The following OSMR variants were observed in gnomAD, a reference collection of about 807,000 sequenced individuals.
OSMR encodes oncostatin M receptor.
A neutral mutation model predicts 99.9 loss-of-function variants in OSMR; 81 were observed. That is an observed-to-expected ratio of 0.81 (90% CI 0.68 to 0.97). OSMR has a LOEUF of 0.97. OSMR is among the 50% of genes least tolerant of loss of function. The pLI, the probability that OSMR is intolerant of heterozygous loss-of-function variation, is 0.00. For missense variants in OSMR, 1,099 were observed against 1,153.4 expected, an observed-to-expected ratio of 0.95 and a Z score of 0.68; for synonymous variants, 406 against 410.4, an observed-to-expected ratio of 0.99 and a Z score of 0.13.
Position 38,933,650 on chromosome 5 carries a change from C to T in OSMR, c.*206C>T. On this transcript the variant is annotated 3_prime_UTR_variant, in exon 18 of 18. Coordinates refer to ENST00000274276, the MANE Select transcript of OSMR (RefSeq NM_003999.3). ...TGGAGCAAGCTTGCCCTAGAGACGG[C>T]AGGATCATGGGAGCATGCTTACCTT... The T allele has an allele frequency of 1.7e-6, 1 of 592,470 alleles. No individual in the cohort carries two copies. The highest frequency in any genetic ancestry group is 3.0e-6 in the Non-Finnish European group (1 of 332,506). 36.7% of individuals were successfully genotyped at this position (592,470 alleles called of 1,614,324 possible).
intron 9 of OSMR, among the ~76,000 whole-genome samples, chr5:38,912,545 T>G (rs1200912120): frequency 6.6e-6 from 1 of 152,162 alleles, no homozygotes; most frequent in Non-Finnish European, 1.5e-5. Flanking sequence ...ACTATCAATG[T>G]TATTTTTCAC....
chr5:38,945,526 G>C, downstream of OSMR: 4 of 1,613,786 alleles, frequency 2.5e-6, no homozygotes, highest in Non-Finnish European at 3.4e-6. Context: ...TTGGTTGCTG[G>C]GCTGGAAACC....
At position 38,919,092 on chromosome 5, in the gene OSMR, T is replaced by G. The variant is rs2278327; in HGVS notation, c.1585+30T>G. ...GTTTGTTTTCATTTTCTTTTGTTTT[T>G]ATTCTCTAGGAAAATGTTGATGACG... On this transcript the variant is annotated intron_variant, in intron 11 of 17. Coordinates refer to ENST00000274276, the MANE Select transcript of OSMR (RefSeq NM_003999.3). 11,216 of 1,611,480 alleles carry G rather than the reference T, an allele frequency of 7.0e-3. 1,104 individuals are homozygous for G. The East Asian group carries it at 0.21, about 31-fold the overall frequency.
At chr5:38,893,860 T>G (rs1415227551) in intron 7 of OSMR, among the ~76,000 whole-genome samples, 1 of 152,048 alleles carries the variant, frequency 6.6e-6, no homozygotes, top group Non-Finnish European at 1.5e-5. Flanking sequence ...CGAACATCAC[T>G]AGGGCATATA....
intron 16 of OSMR, 130 bp downstream of exon 16, chr5:38,932,094 G>A (rs1275342634): frequency 2.6e-6 from 2 of 762,352 alleles, no homozygotes; most frequent in Admixed American, 2.4e-5. Flanking sequence ...AAAGGAGGCT[G>A]GGGTGAGAGT....
At chr5:38,869,964 A>G (rs1184680981) in intron 2 of OSMR, among the ~76,000 whole-genome samples, 1 of 152,216 alleles carries the variant, frequency 6.6e-6, no homozygotes, top group Non-Finnish European at 1.5e-5. Context: ...CAGATTCATG[A>G]AAATGATCTT....
chr5:38,940,405 T>C (rs1747430728), downstream of OSMR: 1 of 232,526 alleles, frequency 4.3e-6, no homozygotes, highest in Non-Finnish European at 8.5e-6. Flanking sequence ...TTTGGAGGTT[T>C]TAACCACTAT....
At chr5:38,878,173 A>G (rs779288670) in intron 3 of OSMR, among the ~76,000 whole-genome samples, 6 of 152,148 alleles carry the variant, frequency 3.9e-5, no homozygotes, top group Non-Finnish European at 7.3e-5. Context: ...CACATGTCCT[A>G]TGGAATAGAT....
chr5:38,921,398 A>G, intron 11 of OSMR: 1 of 740,258 alleles, frequency 1.4e-6, no homozygotes, highest in South Asian at 6.1e-5. Context: ...GGTCAACATG[A>G]TGGGCATCTG....
intron 1 of OSMR, among the ~76,000 whole-genome samples, chr5:38,863,109 C>A (rs1380525456): frequency 6.8e-6 from 1 of 146,830 alleles, no homozygotes; most frequent in Non-Finnish European, 1.5e-5. Context: ...GCCGAGATGG[C>A]AGCAGTACAG....
chr5:38,889,660 T>C (rs1744025530), intron 7 of OSMR, among the ~76,000 whole-genome samples: 2 of 152,320 alleles, frequency 1.3e-5, no homozygotes, highest in African/African-American at 4.8e-5. Flanking sequence ...TGTATCTTCT[T>C]TTCCATTCAC....
downstream of OSMR, chr5:38,940,339 T>A (rs1747423618): frequency 8.6e-6 from 2 of 231,364 alleles, no homozygotes; most frequent in South Asian, 1.8e-4. Flanking sequence ...AGGTAGTGTT[T>A]AAAATGAATG....
intron 1 of OSMR, chr5:38,942,499 G>A (rs1394428411): frequency 1.0e-5 from 5 of 496,210 alleles, no homozygotes; most frequent in African/African-American, 2.0e-5. Context: ...TTCCCAGGAT[G>A]CAGCACAATG....
chr5:38,886,518 C>T (rs1029552164), intron 7 of OSMR: 6 of 277,346 alleles, frequency 2.2e-5, no homozygotes, highest in Non-Finnish European at 3.2e-5. Context: ...AAATTGTGTG[C>T]GTGTGTATTC....
chr5:38,874,039 C>T lies in OSMR; in HGVS notation c.74-2162C>T, dbSNP rs560463572. 8.6e-5 allele frequency among the ~76,000 whole-genome samples: 13 copies of T among 152,016 alleles called. No individual in the cohort carries two copies. In the South Asian group the frequency reaches 1.5e-3, roughly 17 times the overall value. ...TAGAGACAGGGTTTTTCCATGTTGC[C>T]GACTCTTTTGCCCATTTTTAAATTG... On this transcript the variant is annotated intron_variant, in intron 2 of 17. Transcript: ENST00000274276.
At chr5:38,921,275 C>G (rs1250456955) in intron 11 of OSMR, among the ~76,000 whole-genome samples, 1 of 152,002 alleles carries the variant, frequency 6.6e-6, no homozygotes, top group Admixed American at 6.6e-5. Context: ...TGTCTTAGAA[C>G]CATTCTTAGC....
chr5:38,868,148 C>T (rs1006863423), intron 1 of OSMR, among the ~76,000 whole-genome samples: 1 of 152,196 alleles, frequency 6.6e-6, no homozygotes, highest in African/African-American at 2.4e-5. Context: ...CTTTACCAAT[C>T]TTTGCTTGGT....
At chr5:38,901,813 C>T (rs1375072876) in intron 7 of OSMR, among the ~76,000 whole-genome samples, 3 of 152,154 alleles carry the variant, frequency 2.0e-5, no homozygotes, top group African/African-American at 7.2e-5. Flanking sequence ...CGCAAAGAAC[C>T]TCATTTAAAA....
At chr5:38,943,157 G>GT (rs371095614) in intron 1 of OSMR, 9,260 of 305,792 alleles carry the variant, frequency 0.03, 129 homozygotes, top group African/African-American at 0.13. Flanking sequence ...TCTGAGTTTG[G>GT]GTTTTTTTTT....
Sources: gnomAD v4.1 joint callset for allele counts (sites outside exome capture counted in the v4.1 genomes callset) on GRCh38, gnomAD v4.1.1 for gene constraint, MANE v1.5 for transcripts, NCBI Gene and HGNC (gene_info 2026-07-23, HGNC 2026-07-21) for gene names.